DNAI4: variants seen among roughly 807,000 people sequenced by gnomAD.
The protein encoded by DNAI4 is WD repeat domain 78.
Under a neutral mutation model 105.8 loss-of-function variants are expected in DNAI4, and 85 were observed. The ratio of observed to expected loss-of-function variants is 0.80; its 90% CI spans 0.67 to 0.96. The LOEUF is 0.96. DNAI4 is among the 40% of genes least tolerant of loss of function. The probability of loss-of-function intolerance (pLI) is 0.00; values close to 1 mark genes in which losing one functional copy is unlikely to be tolerated. For missense variants in DNAI4, 1,014 were observed against 1,005.6 expected (o/e 1.01, Z -0.11); for synonymous variants, 352 against 331.5 (o/e 1.06, Z -0.67).
At chr1:66,858,024 A>G (rs546744896) in intron 7 of DNAI4, among the ~76,000 whole-genome samples, 1 of 152,180 alleles carries the variant, frequency 6.6e-6, no homozygotes, top group Non-Finnish European at 1.5e-5. Context: ...ATAATTAATA[A>G]CCTTCCAAAA....
At chr1:66,832,683 T>C (rs1645892517) in intron 13 of DNAI4, among the ~76,000 whole-genome samples, 1 of 152,154 alleles carries the variant, frequency 6.6e-6, no homozygotes, top group African/African-American at 2.4e-5. Context: ...GGATTGTTTG[T>C]AACACAAAGG....
chr1:66,890,916 A>G lies in DNAI4; in HGVS notation c.643+238T>C. The G allele has an allele frequency of 3.7e-6, 2 of 534,570 alleles. No homozygotes were observed. Among genetic ancestry groups the G allele is most frequent in the South Asian group, 2.1e-5 (1 of 47,212 alleles). The allele number at this position is 534,570 out of a possible 1,614,324, so 33.1% of individuals were successfully genotyped here. A position where few individuals can be genotyped will look rare whatever the true frequency, so the allele number is the denominator to read the frequency against. ...GCAGCAGCAGCAACAGCAGCAGCAG[A>G]AGCAGCAGCTGAGCTCTAACACAAA... On this transcript the variant is annotated intron_variant, in intron 4 of 16. Coordinates refer to ENST00000371026, the MANE Select transcript of DNAI4 (RefSeq NM_024763.5). This position sits in a 1 kb window ranked among gnomAD's most constrained non-coding sequence, Gnocchi z 4.1.
At chr1:66,886,742 A>G (rs1032981436) in intron 4 of DNAI4, among the ~76,000 whole-genome samples, 1 of 152,124 alleles carries the variant, frequency 6.6e-6, no homozygotes, top group African/African-American at 2.4e-5. Flanking sequence ...GTTCACAAGT[A>G]TATCTATTCC....
rs111784685 is a variant in DNAI4, at chr1:66,894,053, T to G, written c.346-640A>C. On this transcript the variant is annotated intron_variant, in intron 2 of 16. Transcript: ENST00000371026. ...AGTACATAATATTTGATAATAATAA[T>G]AAATTATGCTTCTGGTTTATGTGCT... Among the ~76,000 whole-genome samples, 631 of 152,322 alleles carry G rather than the reference T, an allele frequency of 4.1e-3. 5 individuals carry two copies. The highest frequency in any genetic ancestry group is 0.014 in the African/African-American group (593 of 41,566).
intron 1 of DNAI4, 23 bp downstream of exon 1, chr1:66,924,639 C>T (rs758261154): frequency 6.2e-7 from 1 of 1,614,098 alleles, no homozygotes; most frequent in South Asian, 1.1e-5. Context: ...GGATGGACTA[C>T]GGTTTTTAGC....
At chr1:66,845,217 T>TAAAAAA (rs869249698) in intron 8 of DNAI4, among the ~76,000 whole-genome samples, 1 of 38,090 alleles carries the variant, frequency 2.6e-5, no homozygotes, top group African/African-American at 1.0e-4. Flanking sequence ...AAAGAAAAAT[T>TAAAAAA]AAAAAAAAAA....
chr1:66,878,206 A>G (rs1646998443), intron 4 of DNAI4, among the ~76,000 whole-genome samples: 1 of 152,098 alleles, frequency 6.6e-6, no homozygotes, highest in Non-Finnish European at 1.5e-5. Flanking sequence ...ACTCATGCGT[A>G]TTTATTTTAT....
intron 2 of DNAI4, among the ~76,000 whole-genome samples, chr1:66,894,334 GA>G (rs1050941233): frequency 1.3e-5 from 2 of 152,060 alleles, no homozygotes; most frequent in African/African-American, 4.8e-5. Flanking sequence ...TTTCCGTTTG[GA>G]GGGGGAGAAT....
In DNAI4 at chr1:66,890,879, G is replaced by T; in HGVS notation, c.643+275C>A. ...AGAAGAGGAAGAGGAAGAAGAAGAAGAAGAAGCAGAAGCAGCAGCAGCAAC... is the reference window on the plus strand; with the variant it reads ...AGAAGAGGAAGAGGAAGAAGAAGAATAAGAAGCAGAAGCAGCAGCAGCAAC... On this transcript the variant is annotated intron_variant, in intron 4 of 16. Coordinates refer to ENST00000371026, the MANE Select transcript of DNAI4 (RefSeq NM_024763.5). The surrounding 1 kb of genome is among the most constrained non-coding windows in gnomAD (Gnocchi z 4.1). 2.1e-6 allele frequency: 1 copy of T among 471,822 alleles called. No individual in the cohort carries two copies. Among genetic ancestry groups the T allele is most frequent in the South Asian group, 2.2e-5 (1 of 45,378 alleles). 29.2% of individuals were successfully genotyped at this position (471,822 alleles called of 1,614,324 possible). A position where few individuals can be genotyped will look rare whatever the true frequency, so the allele number is the denominator to read the frequency against.
At chr1:66,831,903 T>C (rs1348145353) in intron 13 of DNAI4, among the ~76,000 whole-genome samples, 1 of 152,212 alleles carries the variant, frequency 6.6e-6, no homozygotes, top group Non-Finnish European at 1.5e-5. Context: ...CTAGACTAGG[T>C]TGTCTCAACC....
In DNAI4 at chr1:66,891,139, G is replaced by A. The variant is rs1647603893; in HGVS notation, c.643+15C>T. 1.3e-6 allele frequency: 2 copies of A among 1,546,694 alleles called. No homozygotes were observed. The highest frequency in any genetic ancestry group is 2.2e-5 in the East Asian group (1 of 44,490). ...AACGGACTGTTACTGAAATAAACAA[G>A]TATATTTTCATTACCTGTGAAACTA... On this transcript the variant is annotated intron_variant, in intron 4 of 16. Transcript: ENST00000371026.
intron 2 of DNAI4, among the ~76,000 whole-genome samples, chr1:66,900,517 A>G (rs1192626399): frequency 6.6e-6 from 1 of 152,238 alleles, no homozygotes; most frequent in African/African-American, 2.4e-5. Context: ...TAACAATAGT[A>G]GGTCTTTTGA....
intron 6 of DNAI4, among the ~76,000 whole-genome samples, chr1:66,870,435 T>A (rs541522071): frequency 1.8e-4 from 21 of 114,428 alleles, no homozygotes; most frequent in African/African-American, 7.9e-4. Flanking sequence ...AGAGCGAAAC[T>A]GTGCCTCAAA....
chr1:66,842,372 T>C (rs1646168088), intron 8 of DNAI4, among the ~76,000 whole-genome samples: 2 of 152,060 alleles, frequency 1.3e-5, no homozygotes, highest in South Asian at 4.2e-4. Context: ...AAGAGTATGT[T>C]TGGGTTTTTT....
intron 16 of DNAI4, among the ~76,000 whole-genome samples, chr1:66,814,415 C>T (rs1645470953): frequency 6.6e-6 from 1 of 152,028 alleles, no homozygotes. Context: ...TGTCGCCAGG[C>T]TGGAGTGCAG....
At chr1:66,848,149 T>C (rs956863904) in intron 7 of DNAI4, 3 of 454,068 alleles carry the variant, frequency 6.6e-6, no homozygotes, top group Admixed American at 2.4e-5. Context: ...AAGAAGTTGA[T>C]AGGGCTTTGT....
chr1:66,873,904 T>C (rs1445196763), intron 5 of DNAI4, among the ~76,000 whole-genome samples: 2 of 149,710 alleles, frequency 1.3e-5, no homozygotes, highest in Non-Finnish European at 3.0e-5. Context: ...TTCCTTCTTA[T>C]GAGCTTTTAA....
At chr1:66,876,890 C>G (rs543445073) in intron 4 of DNAI4, among the ~76,000 whole-genome samples, 1 of 152,156 alleles carries the variant, frequency 6.6e-6, no homozygotes, top group Non-Finnish European at 1.5e-5. Flanking sequence ...CTCCTCTCCA[C>G]ACCTTTACTC....
At chr1:66,886,044 T>G (rs1341104032) in intron 4 of DNAI4, among the ~76,000 whole-genome samples, 1 of 152,216 alleles carries the variant, frequency 6.6e-6, no homozygotes, top group Non-Finnish European at 1.5e-5. Context: ...TTTCATTATT[T>G]TTTCTCTTCG....
Sources: allele counts gnomAD v4.1 joint callset (sites outside exome capture counted in the v4.1 genomes callset), GRCh38; gene constraint gnomAD v4.1.1; non-coding constraint Gnocchi (gnomAD v3.1); transcripts MANE v1.5; gene names NCBI Gene and HGNC (gene_info 2026-07-23, HGNC 2026-07-21).